TYK2: variants seen among roughly 807,000 people sequenced by gnomAD.
The protein encoded by TYK2 is non-receptor tyrosine-protein kinase TYK2.
TYK2 carries 65 observed loss-of-function variants against 130.9 expected under a neutral mutation model. The observed-to-expected ratio is 0.50, with a 90% CI of 0.41 to 0.61. The LOEUF (loss-of-function observed/expected upper bound fraction) is 0.61. Ranked by LOEUF, TYK2 falls within the 20% of genes least tolerant of loss-of-function variation. The probability of loss-of-function intolerance (pLI) is 0.00; values close to 1 mark genes in which losing one functional copy is unlikely to be tolerated. For missense variants in TYK2, 1,378 were observed against 1,610.7 expected (o/e 0.86, Z 2.47); for synonymous variants, 647 against 658.9 (o/e 0.98, Z 0.28).
chr19:10,374,182 C>T (rs1049354664), intron 3 of TYK2, among the ~76,000 whole-genome samples: 3 of 151,954 alleles, frequency 2.0e-5, no homozygotes, highest in African/African-American at 4.8e-5. Flanking sequence ...AGGAGAATGG[C>T]GTGAACCCGG....
At chr19:10,373,140 G>A (rs1390284948) in intron 3 of TYK2, among the ~76,000 whole-genome samples, 2 of 149,150 alleles carry the variant, frequency 1.3e-5, no homozygotes, top group African/African-American at 2.5e-5. Context: ...GGGTTCAAGC[G>A]ATTCTCCTGC....
At chr19:10,352,695 T>G (rs1306682118) in intron 22 of TYK2, 144 bp from the exon 23 acceptor site, 2 of 719,450 alleles carry the variant, frequency 2.8e-6, no homozygotes, top group East Asian at 5.3e-5. Flanking sequence ...AGCGGGGTGA[T>G]ATGCTCATTG....
At chr19:10,351,281 G>T in intron 23 of TYK2, 119 bp from the exon 24 acceptor site, 2 of 739,802 alleles carry the variant, frequency 2.7e-6, no homozygotes, top group African/African-American at 1.7e-5. Flanking sequence ...GAGGTCAGGA[G>T]TTCGAGACCA....
In TYK2 at chr19:10,352,537, C is replaced by T; in HGVS notation, c.3215G>A (p.Cys1072Tyr). 1.9e-6 allele frequency: 3 copies of T among 1,555,666 alleles called. No individual in the cohort carries two copies. Among genetic ancestry groups the T allele is most frequent in the South Asian group, 1.2e-5 (1 of 82,984 alleles). The change falls in exon 23 of 25, where the codon TGC becomes TAC. Residue 1072 changes from cysteine (C) to tyrosine (Y), a missense_variant. Physicochemically the swap from Cys to Tyr is radical, Grantham distance 194. Transcript: ENST00000525621. Reference protein sequence around the residue: ...DSPVFWYAPECLKEYKFYYAS... With the variant: ...DSPVFWYAPEYLKEYKFYYAS... The stretch of plus-strand genomic sequence containing the variant: ...ATAGTAGAACTTATACTCCTTCAGG[C>T]ACTCTGGGGCATACCTAGGGGGAGG...
intron 22 of TYK2, 119 bp from the exon 23 acceptor site, chr19:10,352,670 T>C (rs2040870680): frequency 2.7e-6 from 2 of 732,270 alleles, no homozygotes; most frequent in Admixed American, 2.5e-5. Context: ...GACCCACCCT[T>C]AAGAGCGCAG....
rs758598921 is a variant in TYK2 at position 10,365,910 on chromosome 19, C to T, written c.630-12G>A. 12 of 1,599,568 alleles carry T rather than the reference C, an allele frequency of 7.5e-6. No individual in the cohort carries two copies. Among genetic ancestry groups the T allele is most frequent in the Middle Eastern group, 1.7e-4 (1 of 5,774 alleles). ...TGCAGTCCTTGAAGCTGGGGGGAAACACAGTGAGGGGCTGGTCAGGGACCT... is the reference window on the plus strand; with the variant it reads ...TGCAGTCCTTGAAGCTGGGGGGAAATACAGTGAGGGGCTGGTCAGGGACCT... On this transcript the variant is annotated splice_polypyrimidine_tract_variant and intron_variant, in intron 6 of 24. Transcript: ENST00000525621.
intron 7 of TYK2, 64 bp from the exon 8 acceptor site, chr19:10,365,112 T>C (rs1466371825): frequency 6.7e-7 from 1 of 1,491,866 alleles, no homozygotes; most frequent in East Asian, 2.4e-5. Context: ...CTCCTGCACT[T>C]TCCCCTGGGG....
In TYK2 at chr19:10,368,426, A is replaced by G. The variant is rs760214050; in HGVS notation, c.194-8T>C. 5.6e-6 allele frequency: 9 copies of G among 1,613,984 alleles called. No homozygotes were observed. The East Asian group carries it at 1.8e-4, about 32-fold the overall frequency. ...AGCAAGGAGGAGTGATACCTGGATC[A>G]GGTGAGAAACGAGGTCAGGAGTCAC... On this transcript the variant is annotated splice_polypyrimidine_tract_variant and splice_region_variant and intron_variant, in intron 3 of 24. Transcript: ENST00000525621.
chr19:10,352,898 C>T, intron 22 of TYK2, 28 bp downstream of exon 22: 1 of 1,574,812 alleles, frequency 6.3e-7, no homozygotes, highest in South Asian at 1.1e-5. Flanking sequence ...ACCCCAGCAC[C>T]CCCTCAGACT....
In TYK2 at chr19:10,353,077, G is replaced by C. The variant is rs1166439365; in HGVS notation, c.3049C>G (p.Gln1017Glu). ...ICEGMAYLHA[Q>E]HYIHRDLAAR... ...GCTAGGTCTCGGTGGATGTAGTGCT[G>C]CGCGTGCAGATAGGCCATGCCCTGG... The change falls in exon 22 of 25, where the codon CAG (glutamine) becomes GAG (glutamate). Residue 1017 changes from glutamine to glutamate, a missense_variant. Coordinates refer to ENST00000525621, the MANE Select transcript of TYK2 (RefSeq NM_003331.5). This position sits in a 1 kb window ranked among gnomAD's most constrained non-coding sequence, Gnocchi z 6.9. 3 of 1,553,376 alleles carry C rather than the reference G, an allele frequency of 1.9e-6. No homozygotes were observed. In the East Asian group the frequency reaches 6.9e-5, roughly 36 times the overall value.
rs951394983 is a variant in TYK2 at position 10,364,254 on chromosome 19, T to C, written c.1367+360A>G. ...GGCCGGGCGTGGTGGCTCATGCCTG[T>C]AATACCAGCACTTTGGGAGGCCGAG... On this transcript the variant is annotated intron_variant, in intron 9 of 24. Transcript: ENST00000525621. This position sits in a 1 kb window ranked among gnomAD's most constrained non-coding sequence, Gnocchi z 4.9. 1.3e-5 allele frequency among the ~76,000 whole-genome samples: 2 copies of C among 152,166 alleles called. No homozygotes were observed. Among genetic ancestry groups the C allele is most frequent in the African/African-American group, 4.8e-5 (2 of 41,434 alleles).
rs569216272 is a variant in TYK2, at chr19:10,364,167, C to A, written c.1367+447G>T. ...AATGGTCACCAGCGTCAGGGTAACA[C>A]ACAGTCCCATGAAAATCACCAGTTC... is the stretch of plus-strand genomic sequence containing the variant. On this transcript the variant is annotated intron_variant, in intron 9 of 24. Transcript: ENST00000525621. This position sits in a 1 kb window ranked among gnomAD's most constrained non-coding sequence, Gnocchi z 4.9. Among the ~76,000 whole-genome samples, 5 of 152,306 alleles carry A rather than the reference C, an allele frequency of 3.3e-5. No individual in the cohort carries two copies. The highest frequency in any genetic ancestry group is 3.3e-4 in the Admixed American group (5 of 15,280).
At chr19:10,367,653 G>A (rs1020686936) in intron 5 of TYK2, among the ~76,000 whole-genome samples, 13 of 150,560 alleles carry the variant, frequency 8.6e-5, no homozygotes, top group African/African-American at 3.2e-4. Flanking sequence ...GGGAGCGGTG[G>A]CTCACGCCTG....
intron 23 of TYK2, 150 bp from the exon 24 acceptor site, chr19:10,351,312 C>A: frequency 4.9e-6 from 3 of 606,690 alleles, no homozygotes; most frequent in South Asian, 1.6e-5. Flanking sequence ...CATGGTGAAA[C>A]CCCATCTCTA....
rs12720269 is a variant in TYK2, at chr19:10,365,252, A to G, written c.1012-204T>C. On this transcript the variant is annotated intron_variant, in intron 7 of 24. Coordinates refer to ENST00000525621, the MANE Select transcript of TYK2 (RefSeq NM_003331.5). ...AGCCGGACCCTTAGGGAAGGCAGAG[A>G]GAAGAATCCTGACCCCCTCACACCC... 3.2e-3 allele frequency among the ~76,000 whole-genome samples: 488 copies of G among 152,276 alleles called. 1 individual carries two copies. Among genetic ancestry groups the G allele is most frequent in the African/African-American group, 0.011 (477 of 41,558 alleles).
chr19:10,351,685 C>T lies in TYK2; in HGVS notation c.3319-523G>A, dbSNP rs771590202. Among the ~76,000 whole-genome samples the T allele has an allele frequency of 3.3e-5, 5 of 152,202 alleles. No individual in the cohort carries two copies. The South Asian group carries it at 1.0e-3, about 32-fold the overall frequency. On this transcript the variant is annotated intron_variant, in intron 23 of 24. Coordinates refer to ENST00000525621, the MANE Select transcript of TYK2 (RefSeq NM_003331.5). ...GTTAAACTAATATTCATAGAGTAAGCGTGAGTCAGGTGTTTGCCGTTATTA... is the reference window on the plus strand; with the variant it reads ...GTTAAACTAATATTCATAGAGTAAGTGTGAGTCAGGTGTTTGCCGTTATTA...
At chr19:10,352,398 G>T (rs1456161750) in intron 23 of TYK2, 36 bp downstream of exon 23, 1 of 1,418,350 alleles carries the variant, frequency 7.1e-7, no homozygotes, top group Admixed American at 1.7e-5. Context: ...AATTGCTCTA[G>T]CAAACTCCCG....
At chr19:10,360,862 T>C (rs12720281) in intron 14 of TYK2, 19,717 of 221,616 alleles carry the variant, frequency 0.089, 989 homozygotes, top group Middle Eastern at 0.15. Context: ...AAGTGATCCT[T>C]CCATTCCAGC....
chr19:10,371,754 T>G (rs2041915333), intron 3 of TYK2, among the ~76,000 whole-genome samples: 1 of 152,204 alleles, frequency 6.6e-6, no homozygotes. Context: ...ACATGAGTAA[T>G]TCTGGTTAAA....
Sources: gnomAD v4.1 joint callset for allele counts (sites outside exome capture counted in the v4.1 genomes callset) on GRCh38, gnomAD v4.1.1 for gene constraint, Gnocchi (gnomAD v3.1) non-coding constraint, MANE v1.5 for transcripts, NCBI Gene and HGNC (gene_info 2026-07-23, HGNC 2026-07-21) for gene names.